Variants in TTC7A observed in about 807,000 individuals in gnomAD.
TTC7A encodes the protein tetratricopeptide repeat domain 7A, also known as tetratricopeptide repeat protein 7A.
In TTC7A, 110 loss-of-function variants were observed where a neutral mutation model predicts 103.7. The ratio of observed to expected loss-of-function variants is 1.06; its 90% CI spans 0.91 to 1.24. TTC7A has a LOEUF of 1.24. Among genes scored for constraint, TTC7A ranks in the 50% most tolerant of loss-of-function variants. TTC7A has a pLI of 0.00. For synonymous variants in TTC7A, 521 were observed against 467.9 expected, an observed-to-expected ratio of 1.11 and a Z score of -1.47; for missense variants, 1,340 against 1,116.3, an observed-to-expected ratio of 1.20 and a Z score of -2.86.
chr2:46,925,975 G>C (rs1464565682), intron 2 of TTC7A, among the ~76,000 whole-genome samples: 1 of 152,152 alleles, frequency 6.6e-6, no homozygotes, highest in East Asian at 1.9e-4. Context: ...GGTATAATGG[G>C]ATCAGACTTA....
At chr2:47,065,242 A>G (rs2570511) in intron 19 of TTC7A, among the ~76,000 whole-genome samples, 129,803 of 152,204 alleles carry the variant, frequency 0.85, 55,484 homozygotes, top group East Asian at 0.94. Flanking sequence ...AGCCAAGATC[A>G]CGCCACTGCA....
At chr2:47,053,545 TGG>T (rs1491559306) in intron 18 of TTC7A, among the ~76,000 whole-genome samples, 1 of 125,414 alleles carries the variant, frequency 8.0e-6, no homozygotes, top group African/African-American at 3.3e-5. Flanking sequence ...TTTGTTTGTT[TGG>T]TTGGTTGGTT....
chr2:46,958,698 T>A, intron 3 of TTC7A: 2 of 459,942 alleles, frequency 4.3e-6, no homozygotes, highest in South Asian at 2.0e-5. Flanking sequence ...CCACGCCTGC[T>A]GCCCGGCATG....
chr2:46,987,809 C>CGTGTGTGTGTGTGT (rs34664382), intron 5 of TTC7A, among the ~76,000 whole-genome samples: 256 of 144,640 alleles, frequency 1.8e-3, no homozygotes, highest in East Asian at 5.9e-3. Context: ...CCTTTCCGCG[C>CGTGTGTGTGTGTGT]GTGTGTGTGT....
chr2:47,029,377 A>C lies in TTC7A; in HGVS notation c.1795A>C (p.Asn599His). ...VNMAITEHPENFNLMFTKVKL... is the reference protein window; with the variant it reads ...VNMAITEHPEHFNLMFTKVKL... ...CATGGCCATCACCGAGCACCCTGAG[A>C]ACTTCAAGTGAGTGCCCTGGGAACA... Residue 599 changes from asparagine (N) to histidine (H), a missense_variant, in exon 15 of 20, where the codon AAC becomes CAC. Asn to His is a moderately conservative substitution (Grantham distance 68). Transcript: ENST00000319190. 2 of 1,613,714 alleles carry C rather than the reference A, an allele frequency of 1.2e-6. No homozygotes were observed. The highest frequency in any genetic ancestry group is 2.2e-5 in the South Asian group (2 of 91,076).
At chr2:47,012,215 A>G (rs1678149445) in intron 11 of TTC7A, among the ~76,000 whole-genome samples, 1 of 152,224 alleles carries the variant, frequency 6.6e-6, no homozygotes, top group South Asian at 2.1e-4. Flanking sequence ...GCCTCTGTGC[A>G]GGTATCTCTT....
intron 3 of TTC7A, among the ~76,000 whole-genome samples, chr2:46,963,695 A>G (rs1439147672): frequency 6.6e-6 from 1 of 152,198 alleles, no homozygotes; most frequent in East Asian, 1.9e-4. Context: ...TGTACTAGAA[A>G]GTTGTTGGAG....
At chr2:46,975,192 G>A (rs1673757593) in intron 4 of TTC7A, 89 bp downstream of exon 4, 6 of 1,544,154 alleles carry the variant, frequency 3.9e-6, no homozygotes, top group Non-Finnish European at 5.3e-6. Context: ...TCACCTGTGT[G>A]CTAATTAGAA....
At chr2:47,005,518 A>G (rs1386576306) in intron 8 of TTC7A, among the ~76,000 whole-genome samples, 1 of 152,250 alleles carries the variant, frequency 6.6e-6, no homozygotes. Flanking sequence ...GGGAGATTAA[A>G]GAGACATGGC....
chr2:47,048,670 A>T (rs1261425092), intron 16 of TTC7A, among the ~76,000 whole-genome samples: 1 of 152,074 alleles, frequency 6.6e-6, no homozygotes, highest in Admixed American at 6.5e-5. Context: ...TGGCAGGATC[A>T]CAGCTCACTG....
At position 46,980,966 on chromosome 2, in the gene TTC7A, G is replaced by C. The variant is rs193155832; in HGVS notation, c.764+2059G>C. On this transcript the variant is annotated intron_variant, in intron 5 of 19. Transcript: ENST00000319190. ...GCTAGGTATGCGGAAGGCATGCGGA[G>C]CGTCCAGGGCCCCTCTGGGTGCACC... Among the ~76,000 whole-genome samples, 365 of 152,312 alleles carry C rather than the reference G, an allele frequency of 2.4e-3. 2 individuals carry two copies. The highest frequency in any genetic ancestry group is 8.5e-3 in the African/African-American group (355 of 41,574).
chr2:46,930,091 C>G (rs1306412200), intron 2 of TTC7A, among the ~76,000 whole-genome samples: 1 of 152,010 alleles, frequency 6.6e-6, no homozygotes, highest in East Asian at 1.9e-4. Flanking sequence ...TGTATCATAA[C>G]CTAACCTTTC....
intron 10 of TTC7A, 86 bp downstream of exon 10, chr2:47,006,810 A>AGTG (rs1677459481): frequency 9.0e-7 from 1 of 1,107,016 alleles, no homozygotes; most frequent in South Asian, 1.3e-5. Flanking sequence ...TGGCCAGGGG[A>AGTG]GTGGGTGGGT....
At chr2:46,946,518 G>A (rs1301499920) in intron 1 of TTC7A, among the ~76,000 whole-genome samples, 1 of 152,100 alleles carries the variant, frequency 6.6e-6, no homozygotes, top group Non-Finnish European at 1.5e-5. Flanking sequence ...TGAACTCTTG[G>A]GCTCAAGCCA....
chr2:46,984,745 C>A (rs1320926144), intron 5 of TTC7A, among the ~76,000 whole-genome samples: 1 of 152,156 alleles, frequency 6.6e-6, no homozygotes, highest in South Asian at 2.1e-4. Flanking sequence ...GCCAGGTGAC[C>A]CCATTCACTA....
intron 5 of TTC7A, among the ~76,000 whole-genome samples, chr2:46,992,903 G>A (rs1015911658): frequency 6.6e-6 from 1 of 152,228 alleles, no homozygotes; most frequent in Non-Finnish European, 1.5e-5. Context: ...AGATGTATTT[G>A]TCACTATGGC....
chr2:47,054,251 A>T (rs1683134758), intron 18 of TTC7A: 1 of 778,602 alleles, frequency 1.3e-6, no homozygotes, highest in East Asian at 1.8e-4. Context: ...TTTCTTTCTC[A>T]TGTAACAGTT....
At position 46,966,613 on chromosome 2, in the gene TTC7A, A is replaced by G. The variant is rs1477906211; in HGVS notation, c.518-8360A>G. ...AATCTTTTTTTTTTTTGCCATTATA[A>G]ATAATACTGAAATGGATATCCTTGA... On this transcript the variant is annotated intron_variant, in intron 3 of 19. Coordinates refer to ENST00000319190, the MANE Select transcript of TTC7A (RefSeq NM_020458.4). Among the ~76,000 whole-genome samples the G allele has an allele frequency of 3.3e-5, 5 of 151,892 alleles. No individual in the cohort carries two copies. The East Asian group carries it at 9.6e-4, about 29-fold the overall frequency.
chr2:47,033,998 G>A (rs983824050), intron 15 of TTC7A, among the ~76,000 whole-genome samples: 1 of 152,208 alleles, frequency 6.6e-6, no homozygotes, highest in African/African-American at 2.4e-5. Context: ...TCGTGGAGTG[G>A]AACTTTTGAA....
Sources: allele counts gnomAD v4.1 joint callset (sites outside exome capture counted in the v4.1 genomes callset), GRCh38; gene constraint gnomAD v4.1.1; transcripts MANE v1.5; gene names NCBI Gene and HGNC (gene_info 2026-07-23, HGNC 2026-07-21).